C10orf105: variants seen among roughly 807,000 people sequenced by gnomAD.
C10orf105 encodes the protein uncharacterized protein C10orf105.
A neutral mutation model predicts 0.6 loss-of-function variants in C10orf105; 2 were observed. The observed-to-expected ratio is 3.18, with a 90% CI of 1.30 to 10.01. C10orf105 has a LOEUF of 10.01. C10orf105 is among the 30% of genes most tolerant of loss of function. C10orf105 has a pLI of 0.04. For synonymous variants in C10orf105, 95 were observed against 82.4 expected (o/e 1.15, Z -0.83); for missense variants, 209 against 191.4 (o/e 1.09, Z -0.54).
intron 1 of C10orf105, chr10:71,725,613 G>T: frequency 1.4e-6 from 2 of 1,407,246 alleles, no homozygotes; most frequent in South Asian, 2.7e-5. Context: ...CCTGGTGTGG[G>T]CAGGGCCACC....
chr10:71,724,127 T>TG (rs778126293), upstream of C10orf105: 6 of 1,552,562 alleles, frequency 3.9e-6, no homozygotes, highest in African/African-American at 5.5e-5. Flanking sequence ...TGCCCTAGGA[T>TG]GGGGGGCGGT....
chr10:71,716,245 C>G lies in C10orf105; in HGVS notation c.93G>C (p.Glu31Asp). The change falls in exon 2 of 2, where the codon GAG becomes GAC. Residue 31 changes from glutamate (E) to aspartate (D), a missense_variant. Physicochemically the swap from Glu to Asp is conservative, Grantham distance 45. Transcript: ENST00000441508. ...TGAGCATGGGGAGGGGGTCAGTTGC[C>G]TCTGCAAGGGTCCCGGGAGTGACGG... ...SAPVTPGTLAEATDPLPMLIA... is the reference protein window; with the variant it reads ...SAPVTPGTLADATDPLPMLIA... The G allele has an allele frequency of 6.5e-7, 1 of 1,549,698 alleles. No homozygotes were observed. The highest frequency in any genetic ancestry group is 8.7e-7 in the Non-Finnish European group (1 of 1,146,082).
intron 1 of C10orf105, among the ~76,000 whole-genome samples, chr10:71,731,660 C>T (rs972046589): frequency 2.0e-5 from 3 of 152,138 alleles, no homozygotes; most frequent in Non-Finnish European, 4.4e-5. Context: ...CCTTCATTTC[C>T]CCCAATGCTT....
intron 1 of C10orf105, chr10:71,734,573 G>C (rs1310279666): frequency 6.2e-7 from 1 of 1,604,696 alleles, no homozygotes; most frequent in African/African-American, 1.3e-5. Context: ...CCGGGAGTGG[G>C]GTCTGGAAGA....
chr10:71,722,758 C>A (rs1866617653), upstream of C10orf105, among the ~76,000 whole-genome samples: 1 of 152,148 alleles, frequency 6.6e-6, no homozygotes, highest in Non-Finnish European at 1.5e-5. Context: ...ATGCAAATAT[C>A]TGGAGGGAGA....
At position 71,713,080 on chromosome 10, in the gene C10orf105, C is replaced by T. The variant is rs373537606; in HGVS notation, c.*2856G>A. The T allele has an allele frequency of 1.3e-6, 1 of 752,702 alleles. No homozygotes were observed. Among genetic ancestry groups the T allele is most frequent in the South Asian group, 1.4e-5 (1 of 70,620 alleles). The allele number at this position is 752,702 out of a possible 1,614,324, so 46.6% of individuals were successfully genotyped here. ...GACTTGGCCTCCCCCTGCATATCTC[C>T]CGCCCCACCCAGAAGGGCCTTTCAG... On this transcript the variant is annotated 3_prime_UTR_variant, in exon 2 of 2. Coordinates refer to ENST00000441508, the MANE Select transcript of C10orf105 (RefSeq NM_001164375.3).
At chr10:71,725,620 CA>C in intron 1 of C10orf105, 1 of 1,366,110 alleles carries the variant, frequency 7.3e-7, no homozygotes, top group Non-Finnish European at 9.9e-7. Context: ...TGGGCAGGGC[CA>C]CCACTGATTT....
chr10:71,723,313 T>C (rs1866642058), upstream of C10orf105, among the ~76,000 whole-genome samples: 1 of 152,180 alleles, frequency 6.6e-6, no homozygotes. Context: ...AGGACTCATG[T>C]TGGGGTCAGC....
chr10:71,720,702 A>G (rs1185716753), upstream of C10orf105, among the ~76,000 whole-genome samples: 2 of 152,192 alleles, frequency 1.3e-5, no homozygotes, highest in Non-Finnish European at 2.9e-5. Context: ...CTGTCTGCCA[A>G]CCCCAAGATG....
At chr10:71,736,307 C>T (rs1839563761) in intron 1 of C10orf105, among the ~76,000 whole-genome samples, 1 of 152,200 alleles carries the variant, frequency 6.6e-6, no homozygotes, top group African/African-American at 2.4e-5. Flanking sequence ...GTTTGAGGTG[C>T]TAGGGTGGAG....
At chr10:71,734,509 T>C (rs2132831965) in intron 1 of C10orf105, 2 of 1,582,664 alleles carry the variant, frequency 1.3e-6, no homozygotes, top group Non-Finnish European at 1.7e-6. Context: ...TCCCAGCAGG[T>C]TGGGCTAGGA....
rs1589384867 is a variant in C10orf105, at chr10:71,734,768, GA to G, written c.-6+2959del. On this transcript the variant is annotated intron_variant, in intron 1 of 1. Transcript: ENST00000398786. ...ACCTCTCCCAGAGAGAAGGCACGTG[GA>G]CAGGCCTGCAGCAGGCCCCCTCCCA... 3 of 659,062 alleles carry G rather than the reference GA, an allele frequency of 4.6e-6. No homozygotes were observed. The African/African-American group carries it at 5.5e-5, about 12-fold the overall frequency. The allele number at this position is 659,062 out of a possible 1,614,324, so 40.8% of individuals were successfully genotyped here.
At chr10:71,731,180 G>A (rs1031016491) in intron 1 of C10orf105, among the ~76,000 whole-genome samples, 3 of 152,188 alleles carry the variant, frequency 2.0e-5, no homozygotes, top group East Asian at 1.9e-4. Flanking sequence ...CCCTCCGTGC[G>A]GCCTGGGCTG....
At chr10:71,730,136 C>A (rs916072273) in intron 1 of C10orf105, among the ~76,000 whole-genome samples, 7 of 152,080 alleles carry the variant, frequency 4.6e-5, no homozygotes, top group Non-Finnish European at 1.0e-4. Flanking sequence ...CGCGCCCGGC[C>A]GAATTATTAT....
chr10:71,726,582 C>T (rs1282052769), intron 1 of C10orf105, among the ~76,000 whole-genome samples: 1 of 152,222 alleles, frequency 6.6e-6, no homozygotes, highest in Non-Finnish European at 1.5e-5. Context: ...CTGAGAGGGT[C>T]AGATCCCCTG....
rs970554028 is a variant in C10orf105 at position 71,713,023 on chromosome 10, A to T, written c.*2913T>A. 2.3e-5 allele frequency: 17 copies of T among 739,358 alleles called. No individual in the cohort carries two copies. In the African/African-American group the frequency reaches 2.8e-4, roughly 12 times the overall value. 45.8% of individuals were successfully genotyped at this position (739,358 alleles called of 1,614,324 possible). A position where few individuals can be genotyped will look rare whatever the true frequency, so the allele number is the denominator to read the frequency against. ...GGGCCCCCAGGTTGCAGAGCTGAGG[A>T]TAGGGCTCTGGCTCCCCACAAACAG... On this transcript the variant is annotated 3_prime_UTR_variant, in exon 2 of 2. Transcript: ENST00000441508.
intron 1 of C10orf105, among the ~76,000 whole-genome samples, chr10:71,728,430 C>T (rs536249813): frequency 6.6e-6 from 1 of 152,282 alleles, no homozygotes; most frequent in Admixed American, 6.5e-5. Flanking sequence ...GCCACCCTCC[C>T]CACCCCAGAG....
chr10:71,721,962 T>G (rs978706703), upstream of C10orf105, among the ~76,000 whole-genome samples: 5 of 152,340 alleles, frequency 3.3e-5, no homozygotes, highest in African/African-American at 9.6e-5. Context: ...TAAGCCAGGT[T>G]TCCTCCATCC....
upstream of C10orf105, among the ~76,000 whole-genome samples, chr10:71,723,305 G>T (rs77888094): frequency 7.2e-3 from 1,093 of 152,274 alleles, 8 homozygotes; most frequent in Non-Finnish European, 0.011. Context: ...GGCTTGACAG[G>T]ACTCATGTTG....
Sources: gnomAD v4.1 joint callset for allele counts (sites outside exome capture counted in the v4.1 genomes callset) on GRCh38, gnomAD v4.1.1 for gene constraint, MANE v1.5 for transcripts, NCBI Gene and HGNC (gene_info 2026-07-23, HGNC 2026-07-21) for gene names.